The following COL13A1 variants were observed in gnomAD, a reference collection of about 807,000 sequenced individuals.
COL13A1 encodes the protein collagen alpha-1(XIII) chain.
Under a neutral mutation model 130.9 loss-of-function variants are expected in COL13A1, and 89 were observed. The ratio of observed to expected loss-of-function variants is 0.68; its 90% CI spans 0.57 to 0.81. The LOEUF (loss-of-function observed/expected upper bound fraction) is 0.81. COL13A1 is among the 30% of genes least tolerant of loss of function. The pLI is 0.00. For synonymous variants in COL13A1, 402 were observed against 341.6 expected (o/e 1.18, Z -1.95); for missense variants, 879 against 934.6 (o/e 0.94, Z 0.78).
At chr10:69,946,487 AC>A (rs1445839971) in intron 37 of COL13A1, among the ~76,000 whole-genome samples, 23 of 152,186 alleles carry the variant, frequency 1.5e-4, no homozygotes, top group African/African-American at 5.6e-4. Flanking sequence ...GAGAGCCCGC[AC>A]TTTAGTTTCC....
In COL13A1 at chr10:69,883,036, G is replaced by T. The variant is rs144736679; in HGVS notation, c.513+2483G>T. Among the ~76,000 whole-genome samples, 424 of 152,346 alleles carry T rather than the reference G, an allele frequency of 2.8e-3. 2 individuals carry two copies. The highest frequency in any genetic ancestry group is 9.7e-3 in the African/African-American group (405 of 41,572). On this transcript the variant is annotated intron_variant, in intron 7 of 40. Coordinates refer to ENST00000645393, the MANE Select transcript of COL13A1 (RefSeq NM_001368882.1). ...GAAACTTTCCACTCAGCCAGGAAGG[G>T]TCCAGCATAGATGCTGCTAATAAGA... is the stretch of plus-strand genomic sequence containing the variant.
chr10:69,802,754 G>C, intron 1 of COL13A1, 37 bp downstream of exon 1: 3 of 1,605,352 alleles, frequency 1.9e-6, no homozygotes, highest in South Asian at 1.1e-5. Flanking sequence ...ATCCCTCCCC[G>C]CGGCGCCCCC....
At position 69,851,407 on chromosome 10, in the gene COL13A1, G is replaced by C. The variant is rs187059323; in HGVS notation, c.365-16391G>C. On this transcript the variant is annotated intron_variant, in intron 2 of 40. Transcript: ENST00000645393. ...CCTGCCCTGGCCTTCAAGATCCCTT[G>C]AGTTCTGGCCCCTGCCTTCCTTTCC... Among the ~76,000 whole-genome samples the C allele has an allele frequency of 2.6e-4, 40 of 152,312 alleles. 1 individual carries two copies. The Middle Eastern group carries it at 0.017, about 65-fold the overall frequency.
intron 1 of COL13A1, among the ~76,000 whole-genome samples, chr10:69,804,809 CAAAAAAAAAAAAAAAAAAAA>C (rs57098368): frequency 9.3e-5 from 7 of 75,392 alleles, no homozygotes; most frequent in East Asian, 4.3e-4. Context: ...ATGTCGTGTG[CAAAAAAAAAAAAAAAAAAAA>C]AAAAAAAAAA....
At chr10:69,898,615 C>A (rs2061889523) in intron 13 of COL13A1, 82 bp from the exon 14 acceptor site, 1 of 1,259,268 alleles carries the variant, frequency 7.9e-7, no homozygotes, top group Admixed American at 2.0e-5. Flanking sequence ...GCCCTGCCCT[C>A]CTGGTGACTT....
intron 10 of COL13A1, among the ~76,000 whole-genome samples, chr10:69,893,768 C>G (rs1185873670): frequency 6.6e-6 from 1 of 152,222 alleles, no homozygotes; most frequent in Non-Finnish European, 1.5e-5. Context: ...TTGTCTCTGT[C>G]ACCTCACTCG....
chr10:69,898,817 G>T (rs2061915396), intron 14 of COL13A1, 55 bp downstream of exon 14: 1 of 1,421,240 alleles, frequency 7.0e-7, no homozygotes, highest in Admixed American at 2.0e-5. Flanking sequence ...GGCCCGGCAA[G>T]CCTGCTGGGG....
At chr10:69,941,869 G>A (rs999152143) in intron 35 of COL13A1, among the ~76,000 whole-genome samples, 7 of 152,156 alleles carry the variant, frequency 4.6e-5, no homozygotes, top group African/African-American at 1.7e-4. Flanking sequence ...CAAGTCTCGA[G>A]TCCCTGCTCG....
chr10:69,906,855 T>C (rs1265529528), intron 17 of COL13A1, among the ~76,000 whole-genome samples: 1 of 152,136 alleles, frequency 6.6e-6, no homozygotes, highest in East Asian at 1.9e-4. Flanking sequence ...CTCAGCCTCC[T>C]GAGTAGCTGG....
chr10:69,931,966 A>AT (rs2135867946), intron 30 of COL13A1, among the ~76,000 whole-genome samples: 1 of 152,184 alleles, frequency 6.6e-6, no homozygotes, highest in South Asian at 2.1e-4. Context: ...AGCTACTGGT[A>AT]TTGGCAGAAT....
At chr10:69,872,045 T>A (rs2059122888) in intron 3 of COL13A1, 139 bp from the exon 4 acceptor site, 1 of 939,148 alleles carries the variant, frequency 1.1e-6, no homozygotes, top group African/African-American at 1.6e-5. Flanking sequence ...CGATCAAGGC[T>A]CCCCCTTCGT....
chr10:69,908,685 A>G (rs747828011), intron 17 of COL13A1, among the ~76,000 whole-genome samples: 1 of 152,136 alleles, frequency 6.6e-6, no homozygotes, highest in Non-Finnish European at 1.5e-5. Context: ...TGGCAATCCT[A>G]GACTCAGATT....
intron 17 of COL13A1, among the ~76,000 whole-genome samples, chr10:69,908,775 C>T (rs1285947946): frequency 1.3e-5 from 2 of 152,192 alleles, no homozygotes; most frequent in African/African-American, 4.8e-5. Context: ...GGAGCACTTC[C>T]GGTCCCCAGG....
Position 69,802,731 on chromosome 10 carries a change from G to A in COL13A1, c.294+14G>A. 4.4e-6 allele frequency: 7 copies of A among 1,609,008 alleles called. No individual in the cohort carries two copies. The highest frequency in any genetic ancestry group is 5.9e-6 in the Non-Finnish European group (7 of 1,177,972). ...CTGCTGGACGAGGTCTGTGCTCTTT[G>A]TTGCTGGCTTTTATCCCTCCCCGCG... On this transcript the variant is annotated intron_variant, in intron 1 of 40. Transcript: ENST00000645393.
intron 17 of COL13A1, 136 bp downstream of exon 17, chr10:69,905,958 T>C (rs2062709448): frequency 2.1e-6 from 2 of 956,686 alleles, no homozygotes; most frequent in African/African-American, 1.7e-5. Flanking sequence ...AGGTTCTCAC[T>C]GGCCCCCCGA....
chr10:69,896,608 G>A lies in COL13A1; in HGVS notation c.684+1032G>A, dbSNP rs547317201. On this transcript the variant is annotated intron_variant, in intron 13 of 40. Coordinates refer to ENST00000645393, the MANE Select transcript of COL13A1 (RefSeq NM_001368882.1). ...GCTCAGTGCCAGCTTGACTCTAGAA[G>A]GCTGTCAGGAGGGCAATGCTAGCAG... 5.3e-5 allele frequency among the ~76,000 whole-genome samples: 8 copies of A among 152,358 alleles called. No individual in the cohort carries two copies. In the South Asian group the frequency reaches 1.5e-3, roughly 28 times the overall value.
At position 69,930,064 on chromosome 10, in the gene COL13A1, C is replaced by G; in HGVS notation, c.1507C>G (p.Pro503Ala). Reference protein sequence around the residue: ...GQKGEIGLPGPPGHDGEKGPR... With the variant: ...GQKGEIGLPGAPGHDGEKGPR... ...ACAGGGGGAGATTGGACTGCCAGGC[C>G]CTCCAGGACACGATGGGGAAAAGGT... Residue 503 changes from proline to alanine, a missense_variant, in exon 29 of 41, where the codon CCT (proline) becomes GCT (alanine). Transcript: ENST00000645393. 2.5e-6 allele frequency: 4 copies of G among 1,613,976 alleles called. No individual in the cohort carries two copies. Among genetic ancestry groups the G allele is most frequent in the Non-Finnish European group, 3.4e-6 (4 of 1,179,872 alleles).
chr10:69,950,564 G>C (rs1484420773), intron 38 of COL13A1, among the ~76,000 whole-genome samples: 1 of 152,184 alleles, frequency 6.6e-6, no homozygotes, highest in East Asian at 1.9e-4. Context: ...ACTCCTGAGA[G>C]AGTTTACCAG....
chr10:69,822,249 T>A (rs373838609), intron 1 of COL13A1, 120 bp from the exon 2 acceptor site: 4 of 666,328 alleles, frequency 6.0e-6, no homozygotes, highest in Middle Eastern at 4.0e-4. Context: ...CTGTCTTTGA[T>A]CCAGGAAGAG....
Sources: allele counts gnomAD v4.1 joint callset (sites outside exome capture counted in the v4.1 genomes callset), GRCh38; gene constraint gnomAD v4.1.1; transcripts MANE v1.5; gene names NCBI Gene and HGNC (gene_info 2026-07-23, HGNC 2026-07-21).